The following FUT9 variants were observed in gnomAD, a reference collection of about 807,000 sequenced individuals.
FUT9 encodes the protein fucosyltransferase 9.
In FUT9, 15 loss-of-function variants were observed where a neutral mutation model predicts 29.7. That is an observed-to-expected ratio of 0.51 (90% CI 0.34 to 0.78). The LOEUF is 0.78. Ranked by LOEUF, FUT9 falls within the 30% of genes least tolerant of loss-of-function variation. The probability of loss-of-function intolerance (pLI) is 0.01; values close to 1 mark genes in which losing one functional copy is unlikely to be tolerated. For synonymous variants in FUT9, 169 were observed against 153.7 expected, an observed-to-expected ratio of 1.10 and a Z score of -0.74; for missense variants, 319 against 425.4, an observed-to-expected ratio of 0.75 and a Z score of 2.20.
chr6:96,090,057 A>G (rs1241499653), intron 1 of FUT9, among the ~76,000 whole-genome samples: 1 of 151,806 alleles, frequency 6.6e-6, no homozygotes, highest in South Asian at 2.1e-4. Context: ...ATTATGAAAA[A>G]CCCCCCAAAT....
intron 1 of FUT9, among the ~76,000 whole-genome samples, chr6:96,023,752 T>C (rs1461552643): frequency 6.6e-6 from 1 of 151,918 alleles, no homozygotes; most frequent in East Asian, 1.9e-4. Flanking sequence ...ATTACACTGT[T>C]TCACTGGTCA....
intron 2 of FUT9, among the ~76,000 whole-genome samples, chr6:96,181,418 AT>A (rs1282416038): frequency 1.4e-5 from 2 of 139,340 alleles, no homozygotes; most frequent in East Asian, 2.2e-4. Flanking sequence ...TCTCCATTTT[AT>A]TTTTTTTCTT....
At chr6:96,189,586 G>C (rs1356772768) in intron 2 of FUT9, among the ~76,000 whole-genome samples, 2 of 152,030 alleles carry the variant, frequency 1.3e-5, no homozygotes, top group Non-Finnish European at 2.9e-5. Flanking sequence ...GAATCTGGGT[G>C]CTCCTGTATT....
chr6:96,050,603 C>G (rs1371610026), intron 1 of FUT9, among the ~76,000 whole-genome samples: 1 of 152,194 alleles, frequency 6.6e-6, no homozygotes, highest in Non-Finnish European at 1.5e-5. Flanking sequence ...CCTATCCTCT[C>G]TTTCTGAACT....
At chr6:96,095,173 T>C (rs1248569642) in intron 1 of FUT9, among the ~76,000 whole-genome samples, 2 of 152,148 alleles carry the variant, frequency 1.3e-5, no homozygotes, top group African/African-American at 2.4e-5. Context: ...TAAGCACTAA[T>C]GAGCTATAAT....
chr6:96,079,430 T>G (rs187795516), intron 1 of FUT9, among the ~76,000 whole-genome samples: 1 of 152,348 alleles, frequency 6.6e-6, no homozygotes, highest in Non-Finnish European at 1.5e-5. Context: ...CTGAAATTGT[T>G]GAAATCTTTC....
At chr6:96,054,422 G>T (rs1770727219) in intron 1 of FUT9, among the ~76,000 whole-genome samples, 1 of 152,142 alleles carries the variant, frequency 6.6e-6, no homozygotes, top group Non-Finnish European at 1.5e-5. Flanking sequence ...ACTCATTCAT[G>T]TATTTAAGTC....
intron 2 of FUT9, among the ~76,000 whole-genome samples, chr6:96,170,681 A>C (rs1773098022): frequency 6.6e-6 from 1 of 152,178 alleles, no homozygotes; most frequent in African/African-American, 2.4e-5. Context: ...GTTAATACAA[A>C]TCAATAAAGT....
rs117220178 is a variant in FUT9 at position 96,072,583 on chromosome 6, G to T, written c.-97-41456G>T. On this transcript the variant is annotated intron_variant, in intron 1 of 2. Transcript: ENST00000302103. ...TGATGTCCACAATTCACTAAGCTTG[G>T]CACGTACCTCTATGGGGTATGCACA... Among the ~76,000 whole-genome samples, 1,036 of 152,148 alleles carry T rather than the reference G, an allele frequency of 6.8e-3. 4 individuals are homozygous for T. Among genetic ancestry groups the T allele is most frequent in the Non-Finnish European group, 0.011 (753 of 67,998 alleles).
At chr6:96,141,468 T>C (rs994840959) in intron 2 of FUT9, among the ~76,000 whole-genome samples, 1 of 152,030 alleles carries the variant, frequency 6.6e-6, no homozygotes, top group Non-Finnish European at 1.5e-5. Flanking sequence ...TGCAGGAGAA[T>C]GAAAAGCCTC....
At chr6:96,178,627 A>C (rs143865314) in intron 2 of FUT9, among the ~76,000 whole-genome samples, 5 of 152,250 alleles carry the variant, frequency 3.3e-5, no homozygotes, top group African/African-American at 1.2e-4. Context: ...CCACCTCACA[A>C]TTATTAGTTA....
At chr6:96,176,497 G>A (rs1421134363) in intron 2 of FUT9, among the ~76,000 whole-genome samples, 1 of 152,050 alleles carries the variant, frequency 6.6e-6, no homozygotes, top group Admixed American at 6.6e-5. Flanking sequence ...GGTAAATCTG[G>A]CTGTTTTCCA....
intron 2 of FUT9, among the ~76,000 whole-genome samples, chr6:96,122,420 A>C (rs1003860583): frequency 1.4e-4 from 21 of 152,186 alleles, no homozygotes; most frequent in African/African-American, 4.8e-4. Flanking sequence ...CACAAACATT[A>C]AAGCAATATT....
intron 2 of FUT9, among the ~76,000 whole-genome samples, chr6:96,202,868 A>G (rs1773753190): frequency 3.3e-5 from 5 of 152,154 alleles, no homozygotes; most frequent in Admixed American, 3.3e-4. Context: ...AGCAAATAAA[A>G]GTAGAACAGT....
At chr6:96,195,444 C>T (rs980823751) in intron 2 of FUT9, among the ~76,000 whole-genome samples, 15 of 152,102 alleles carry the variant, frequency 9.9e-5, no homozygotes, top group African/African-American at 3.6e-4. Context: ...AATTTTATAG[C>T]ATTCCGGAGA....
At chr6:96,047,720 A>G (rs1770588520) in intron 1 of FUT9, among the ~76,000 whole-genome samples, 1 of 152,230 alleles carries the variant, frequency 6.6e-6, no homozygotes, top group Non-Finnish European at 1.5e-5. Context: ...ATAGAAAAAC[A>G]AAAACAAACA....
chr6:96,203,253 C>G lies in FUT9; in HGVS notation c.98C>G (p.Thr33Ser). Residue 33 changes from threonine to serine, a missense_variant, in exon 3 of 3, where the codon ACC (threonine) becomes AGC (serine). Coordinates refer to ENST00000302103, the MANE Select transcript of FUT9 (RefSeq NM_006581.4). The stretch of plus-strand genomic sequence containing the variant: ...TGTCTTCTCATTTACATCAAACCTA[C>G]CAACAGCTGGATCTTCAGTCCAATG... Reference protein sequence around the residue: ...MACLLIYIKPTNSWIFSPMES... With the variant: ...MACLLIYIKPSNSWIFSPMES... 1.2e-6 allele frequency: 2 copies of G among 1,613,882 alleles called. No individual in the cohort carries two copies. Among genetic ancestry groups the G allele is most frequent in the Non-Finnish European group, 1.7e-6 (2 of 1,179,870 alleles).
At chr6:96,064,469 G>T (rs1179524040) in intron 1 of FUT9, among the ~76,000 whole-genome samples, 2 of 152,108 alleles carry the variant, frequency 1.3e-5, no homozygotes, top group African/African-American at 4.8e-5. Flanking sequence ...AGAAAAAAAT[G>T]AGGGGGCTGA....
chr6:96,045,698 G>A (rs1377688530), intron 1 of FUT9, among the ~76,000 whole-genome samples: 1 of 152,176 alleles, frequency 6.6e-6, no homozygotes, highest in African/African-American at 2.4e-5. Context: ...AGGGTGCTTG[G>A]ATGGGAAAAG....
Sources: allele counts gnomAD v4.1 joint callset (sites outside exome capture counted in the v4.1 genomes callset), GRCh38; gene constraint gnomAD v4.1.1; transcripts MANE v1.5; gene names NCBI Gene and HGNC (gene_info 2026-07-23, HGNC 2026-07-21).